The following CSMD1 variants were observed in gnomAD, a reference collection of about 807,000 sequenced individuals.
CSMD1 encodes the protein CUB and Sushi multiple domains 1, also known as CUB and sushi domain-containing protein 1.
CSMD1 carries 213 observed loss-of-function variants against 417.5 expected under a neutral mutation model. That is an observed-to-expected ratio of 0.51 (90% CI 0.46 to 0.57). CSMD1 has a LOEUF of 0.57. Ranked by LOEUF, CSMD1 falls within the 20% of genes least tolerant of loss-of-function variation. CSMD1 has a pLI of 0.00. For missense variants in CSMD1, 6,923 were observed against 4,529.7 expected (o/e 1.53, Z -15.17); for synonymous variants, 2,862 against 1,736.8 (o/e 1.65, Z -16.11).
intron 50 of CSMD1, among the ~76,000 whole-genome samples, chr8:3,041,990 G>T (rs1377488719): frequency 2.0e-5 from 3 of 152,138 alleles, no homozygotes; most frequent in Non-Finnish European, 4.4e-5. Context: ...GGAAACATCA[G>T]CTCTGGAAGG....
chr8:4,736,315 G>C (rs117032159), intron 1 of CSMD1, among the ~76,000 whole-genome samples: 7 of 152,160 alleles, frequency 4.6e-5, no homozygotes, highest in Non-Finnish European at 1.0e-4. Context: ...AATTTAGGTA[G>C]TTGATTATTC....
At chr8:3,405,469 A>G (rs1249228305) in intron 15 of CSMD1, among the ~76,000 whole-genome samples, 2 of 152,240 alleles carry the variant, frequency 1.3e-5, no homozygotes, top group Admixed American at 1.3e-4. Flanking sequence ...ATAGTTAACC[A>G]TAAGCAACAC....
chr8:3,969,345 A>G (rs2627456), intron 5 of CSMD1, among the ~76,000 whole-genome samples: 25,659 of 152,162 alleles, frequency 0.17, 2,219 homozygotes, highest in African/African-American at 0.2. Flanking sequence ...CTTGCTTCCT[A>G]ATGGAACATC....
chr8:4,962,892 A>T lies in CSMD1; in HGVS notation c.85+31440T>A, dbSNP rs567684918. 2.0e-5 allele frequency among the ~76,000 whole-genome samples: 3 copies of T among 152,336 alleles called. No individual in the cohort carries two copies. The East Asian group carries it at 5.8e-4, about 29-fold the overall frequency. Reference sequence around the variant, plus strand: ...GCACTGCCACTTAATTCCTGTAAAAAATAAATCTATCTCCACTTTTCTGGT... The same window carrying T: ...GCACTGCCACTTAATTCCTGTAAAATATAAATCTATCTCCACTTTTCTGGT... On this transcript the variant is annotated intron_variant, in intron 1 of 69. Coordinates refer to ENST00000635120, the MANE Select transcript of CSMD1 (RefSeq NM_033225.6).
chr8:3,139,289 A>G (rs149815155), intron 41 of CSMD1, among the ~76,000 whole-genome samples: 1 of 152,344 alleles, frequency 6.6e-6, no homozygotes, highest in African/African-American at 2.4e-5. Flanking sequence ...GGATGGAAAT[A>G]TAGGAGGATT....
At chr8:4,982,485 G>A (rs574717103) in intron 1 of CSMD1, among the ~76,000 whole-genome samples, 1 of 152,230 alleles carries the variant, frequency 6.6e-6, no homozygotes, top group African/African-American at 2.4e-5. Flanking sequence ...AACGGGTATT[G>A]TCATTAAAGG....
intron 7 of CSMD1, among the ~76,000 whole-genome samples, chr8:3,671,532 TATATATATATATGATCATATATATGATC>T (rs1483586386): frequency 0.38 from 6,922 of 18,094 alleles, 1,521 homozygotes; most frequent in African/African-American, 0.48. Context: ...TATGATCATA[TATATATATATATGATCATATATATGATC>T]ATATATATAT....
At chr8:4,780,575 A>T (rs1205292625) in intron 1 of CSMD1, among the ~76,000 whole-genome samples, 1 of 151,830 alleles carries the variant, frequency 6.6e-6, no homozygotes, top group Non-Finnish European at 1.5e-5. Context: ...ATTTATATTT[A>T]TTTTTTTCCA....
intron 5 of CSMD1, among the ~76,000 whole-genome samples, chr8:3,912,441 C>A (rs918828187): frequency 3.9e-5 from 6 of 152,106 alleles, no homozygotes; most frequent in African/African-American, 1.4e-4. Context: ...TAGAGTAGAC[C>A]AGGGAAGACA....
At chr8:4,078,311 A>C (rs1056497219) in intron 3 of CSMD1, among the ~76,000 whole-genome samples, 2 of 143,442 alleles carry the variant, frequency 1.4e-5, no homozygotes, top group African/African-American at 2.6e-5. Context: ...TTTGATATCC[A>C]ACTTTTTTTT....
chr8:4,349,436 C>G (rs1800961116), intron 3 of CSMD1, among the ~76,000 whole-genome samples: 1 of 152,150 alleles, frequency 6.6e-6, no homozygotes, highest in Non-Finnish European at 1.5e-5. Context: ...AGAGAAAAGT[C>G]AGATTTACAA....
At chr8:4,045,095 C>T (rs1033628923) in intron 3 of CSMD1, among the ~76,000 whole-genome samples, 3 of 152,136 alleles carry the variant, frequency 2.0e-5, no homozygotes, top group Non-Finnish European at 4.4e-5. Flanking sequence ...ACAGACGGGG[C>T]ACAGGGAGAC....
rs901276140 is a variant in CSMD1, at chr8:3,788,982, T to G, written c.819-34940A>C. The stretch of plus-strand genomic sequence containing the variant: ...AAATGCAGATAATCTGATTCCAAAT[T>G]GTAAGTTATTTCCACTGTATTACAC... On this transcript the variant is annotated intron_variant, in intron 5 of 69. Transcript: ENST00000635120. Among the ~76,000 whole-genome samples the G allele has an allele frequency of 2.6e-5, 4 of 152,278 alleles. No individual in the cohort carries two copies. In the South Asian group the frequency reaches 8.3e-4, roughly 32 times the overall value.
At chr8:3,499,192 G>A (rs947042707) in intron 10 of CSMD1, among the ~76,000 whole-genome samples, 1 of 152,106 alleles carries the variant, frequency 6.6e-6, no homozygotes, top group Admixed American at 6.5e-5. Context: ...AGTTGGGTAG[G>A]GTGCTTTGGT....
intron 1 of CSMD1, among the ~76,000 whole-genome samples, chr8:4,961,257 A>G (rs1405404803): frequency 6.6e-6 from 1 of 152,122 alleles, no homozygotes. Flanking sequence ...TAAAATCCTC[A>G]AAATATTTTA....
chr8:3,985,626 C>A (rs1285102106), intron 5 of CSMD1, among the ~76,000 whole-genome samples: 2 of 152,098 alleles, frequency 1.3e-5, no homozygotes, highest in African/African-American at 2.4e-5. Flanking sequence ...GATCCTTGCA[C>A]GGCAGAACCG....
At chr8:4,647,510 G>T (rs557065478) in intron 1 of CSMD1, among the ~76,000 whole-genome samples, 2 of 150,808 alleles carry the variant, frequency 1.3e-5, no homozygotes, top group South Asian at 4.1e-4. Flanking sequence ...GTAGGTACGC[G>T]TGTGCCATGG....
intron 5 of CSMD1, among the ~76,000 whole-genome samples, chr8:3,982,077 G>T (rs1400934593): frequency 2.6e-5 from 4 of 151,668 alleles, no homozygotes; most frequent in Non-Finnish European, 5.9e-5. Context: ...AGAATGGGGT[G>T]AACCTGGGAG....
chr8:4,933,906 G>A (rs1807423699), intron 1 of CSMD1, among the ~76,000 whole-genome samples: 1 of 151,884 alleles, frequency 6.6e-6, no homozygotes, highest in Admixed American at 6.6e-5. Flanking sequence ...GTTTTCATTT[G>A]TTACATTTTT....
Sources: gnomAD v4.1 joint callset for allele counts (sites outside exome capture counted in the v4.1 genomes callset) on GRCh38, gnomAD v4.1.1 for gene constraint, MANE v1.5 for transcripts, NCBI Gene and HGNC (gene_info 2026-07-23, HGNC 2026-07-21) for gene names.